ATAD1: variants seen among roughly 807,000 people sequenced by gnomAD.
ATAD1 encodes outer mitochondrial transmembrane helix translocase.
Under a neutral mutation model 42.7 loss-of-function variants are expected in ATAD1, and 18 were observed. That is an observed-to-expected ratio of 0.42 (90% confidence interval 0.29 to 0.63). The LOEUF (loss-of-function observed/expected upper bound fraction) is 0.63, where lower values mean the gene tolerates loss of function less well. ATAD1 is among the 20% of genes least tolerant of loss of function. The pLI is 0.19. For missense variants in ATAD1, 294 were observed against 440.4 expected (o/e 0.67, Z 2.98); for synonymous variants, 132 against 143.1 (o/e 0.92, Z 0.55).
intron 1 of ATAD1, among the ~76,000 whole-genome samples, chr10:87,825,425 T>C (rs1252357598): frequency 6.6e-6 from 1 of 151,876 alleles, no homozygotes; most frequent in Non-Finnish European, 1.5e-5. Context: ...TTCTCCTGCT[T>C]CAGCCTCCCG....
At chr10:87,760,090 A>G (rs886370603) in intron 8 of ATAD1, among the ~76,000 whole-genome samples, 3 of 152,232 alleles carry the variant, frequency 2.0e-5, no homozygotes, top group African/African-American at 7.2e-5. Flanking sequence ...TATATCCACC[A>G]TTAATAGTAT....
At chr10:87,811,939 TAA>T (rs1306727385) in intron 2 of ATAD1, among the ~76,000 whole-genome samples, 2 of 152,220 alleles carry the variant, frequency 1.3e-5, no homozygotes, top group African/African-American at 4.8e-5. Flanking sequence ...AAAGATATTA[TAA>T]GTCTTTGAGG....
chr10:87,807,431 C>T (rs1162318063), intron 2 of ATAD1, among the ~76,000 whole-genome samples: 2 of 152,178 alleles, frequency 1.3e-5, no homozygotes, highest in Non-Finnish European at 2.9e-5. Context: ...TTTGTTCCTA[C>T]TGTTCCACAT....
chr10:87,833,881 C>T (rs1184753733), intron 1 of ATAD1, among the ~76,000 whole-genome samples: 1 of 152,016 alleles, frequency 6.6e-6, no homozygotes, highest in African/African-American at 2.4e-5. Flanking sequence ...TGTGCCACCA[C>T]ACCCGGCTAA....
intron 2 of ATAD1, among the ~76,000 whole-genome samples, chr10:87,793,026 A>C (rs1856202951): frequency 6.6e-6 from 1 of 152,130 alleles, no homozygotes. Flanking sequence ...CACTTCCAAG[A>C]GGGGCTCCCA....
chr10:87,768,480 A>G lies in ATAD1; in HGVS notation c.781-757T>C, dbSNP rs1002043075. 4.6e-5 allele frequency among the ~76,000 whole-genome samples: 7 copies of G among 152,342 alleles called. No individual in the cohort carries two copies. In the East Asian group the frequency reaches 1.3e-3, roughly 29 times the overall value. ...TGTGTCAAGTAGGAAGGTTAATTTG[A>G]TATGTCATGTGATCACCAACAAATA... On this transcript the variant is annotated intron_variant, in intron 7 of 9. Transcript: ENST00000680024.
chr10:87,758,935 G>A (rs1854353220), intron 8 of ATAD1, among the ~76,000 whole-genome samples: 1 of 152,266 alleles, frequency 6.6e-6, no homozygotes, highest in Non-Finnish European at 1.5e-5. Flanking sequence ...ACCGGTGACA[G>A]CACCTGTGAT....
At chr10:87,762,523 G>A (rs1369042364) in intron 8 of ATAD1, among the ~76,000 whole-genome samples, 3 of 151,242 alleles carry the variant, frequency 2.0e-5, no homozygotes, top group Non-Finnish European at 4.4e-5. Context: ...GGAGTACAGT[G>A]GCGCGATCTC....
At position 87,754,675 on chromosome 10, in the gene ATAD1, T is replaced by A. The variant is rs772970788; in HGVS notation, c.*12A>T. 6.2e-7 allele frequency: 1 copy of A among 1,611,134 alleles called. No individual in the cohort carries two copies. Among genetic ancestry groups the A allele is most frequent in the South Asian group, 1.1e-5 (1 of 90,878 alleles). ...AAACTAGATCACTGAACTGTACAAA[T>A]GATCTTTACTCTTAATCTAAACAAA... is the stretch of plus-strand genomic sequence containing the variant. On this transcript the variant is annotated 3_prime_UTR_variant, in exon 10 of 10. Coordinates refer to ENST00000680024, the MANE Select transcript of ATAD1 (RefSeq NM_001321967.2).
intron 6 of ATAD1, among the ~76,000 whole-genome samples, chr10:87,775,516 A>T (rs1299593425): frequency 3.5e-5 from 2 of 56,560 alleles, no homozygotes; most frequent in African/African-American, 8.0e-5. Flanking sequence ...TGATTCATTA[A>T]AAAAAAAAAA....
intron 6 of ATAD1, 33 bp from the exon 7 acceptor site, chr10:87,771,074 T>A (rs562547031): frequency 6.5e-7 from 1 of 1,532,440 alleles, no homozygotes; most frequent in Non-Finnish European, 9.0e-7. Flanking sequence ...AGGTATTAAA[T>A]CTACCAATTA....
At chr10:87,764,949 TA>T (rs1365909497) in intron 8 of ATAD1, among the ~76,000 whole-genome samples, 3 of 152,038 alleles carry the variant, frequency 2.0e-5, no homozygotes, top group Non-Finnish European at 4.4e-5. Flanking sequence ...ATACATGGTT[TA>T]AAAAAAGGCA....
In ATAD1 at chr10:87,754,251, C is replaced by G. The variant is rs1854124033; in HGVS notation, c.*436G>C. Reference sequence around the variant, plus strand: ...AAAAAGTTTCTATATTCAAACATATCTACAGAATGTCAATATAAAATGTGT... The same window carrying G: ...AAAAAGTTTCTATATTCAAACATATGTACAGAATGTCAATATAAAATGTGT... On this transcript the variant is annotated 3_prime_UTR_variant, in exon 10 of 10. Coordinates refer to ENST00000680024, the MANE Select transcript of ATAD1 (RefSeq NM_001321967.2). 1 of 152,622 alleles carries G rather than the reference C, an allele frequency of 6.6e-6. No individual in the cohort carries two copies. Among genetic ancestry groups the G allele is most frequent in the African/African-American group, 2.4e-5 (1 of 41,418 alleles). 9.5% of individuals were successfully genotyped at this position (152,622 alleles called of 1,614,324 possible).
rs750298899 is a variant in ATAD1, at chr10:87,814,491, T to A, written c.109A>T (p.Met37Leu). The change falls in exon 2 of 10, where the codon ATG (methionine) becomes TTG (leucine). Residue 37 changes from methionine (M) to leucine (L), a missense_variant. Physicochemically the swap from Met to Leu is conservative, Grantham distance 15. Coordinates refer to ENST00000680024, the MANE Select transcript of ATAD1 (RefSeq NM_001321967.2). ...GAVTYFTIKW[M>L]VDAIDPTRKQ... The stretch of plus-strand genomic sequence containing the variant: ...CTGGTTGGATCAATTGCATCTACCA[T>A]CCATTTGATAGTAAAGTATGTCACT... 13 of 1,607,482 alleles carry A rather than the reference T, an allele frequency of 8.1e-6. No individual in the cohort carries two copies. In the African/African-American group the frequency reaches 1.2e-4, roughly 15 times the overall value.
chr10:87,820,578 G>A (rs1857613541), upstream of ATAD1, among the ~76,000 whole-genome samples: 1 of 152,136 alleles, frequency 6.6e-6, no homozygotes, highest in African/African-American at 2.4e-5. Flanking sequence ...CAATTCATCT[G>A]CCTAATATTT....
intron 2 of ATAD1, among the ~76,000 whole-genome samples, chr10:87,810,099 A>G (rs1857112796): frequency 6.6e-6 from 1 of 151,978 alleles, no homozygotes; most frequent in Non-Finnish European, 1.5e-5. Context: ...CTGTATATTC[A>G]CTTTCTATTT....
chr10:87,783,950 A>G (rs1376236894), intron 5 of ATAD1, among the ~76,000 whole-genome samples: 1 of 152,066 alleles, frequency 6.6e-6, no homozygotes, highest in African/African-American at 2.4e-5. Flanking sequence ...GAAAAAAGAT[A>G]GACTAGAAAA....
chr10:87,791,264 A>C (rs2131929155), intron 3 of ATAD1, among the ~76,000 whole-genome samples: 1 of 152,104 alleles, frequency 6.6e-6, no homozygotes, highest in East Asian at 1.9e-4. Context: ...TTTATAAATA[A>C]AAACAGGGCA....
chr10:87,806,455 A>C (rs930928029), intron 2 of ATAD1, among the ~76,000 whole-genome samples: 1 of 152,088 alleles, frequency 6.6e-6, no homozygotes, highest in Non-Finnish European at 1.5e-5. Context: ...CCAAATACAG[A>C]TCTTCTCGTC....
Sources: allele counts gnomAD v4.1 joint callset (sites outside exome capture counted in the v4.1 genomes callset), GRCh38; gene constraint gnomAD v4.1.1; transcripts MANE v1.5; gene names NCBI Gene and HGNC (gene_info 2026-07-23, HGNC 2026-07-21).